SH3GL2: variants seen among roughly 807,000 people sequenced by gnomAD.
The protein encoded by SH3GL2 is SH3 domain containing GRB2 like 2, endophilin A1.
In SH3GL2, 24 loss-of-function variants were observed where a neutral mutation model predicts 46.0. That is an observed-to-expected ratio of 0.52 (90% CI 0.38 to 0.73). The LOEUF (loss-of-function observed/expected upper bound fraction) is 0.73. Among genes scored for constraint, SH3GL2 ranks in the 30% least tolerant of loss-of-function variants. The pLI, the probability that SH3GL2 is intolerant of heterozygous loss-of-function variation, is 0.00. For synonymous variants in SH3GL2, 196 were observed against 147.1 expected (o/e 1.33, Z -2.40); for missense variants, 413 against 424.2 (o/e 0.97, Z 0.23).
intron 3 of SH3GL2, among the ~76,000 whole-genome samples, chr9:17,771,498 G>C (rs1476493892): frequency 6.6e-6 from 1 of 152,096 alleles, no homozygotes; most frequent in Non-Finnish European, 1.5e-5. Flanking sequence ...CTTACAATAA[G>C]GATATATTAT....
chr9:17,646,685 T>G (rs139229287), intron 1 of SH3GL2, among the ~76,000 whole-genome samples: 2 of 152,256 alleles, frequency 1.3e-5, no homozygotes, highest in Non-Finnish European at 2.9e-5. Flanking sequence ...CCTGTTTGCC[T>G]CGGTATCACC....
chr9:17,778,003 C>G (rs1317697620), intron 3 of SH3GL2, among the ~76,000 whole-genome samples: 1 of 151,982 alleles, frequency 6.6e-6, no homozygotes, highest in Non-Finnish European at 1.5e-5. Flanking sequence ...GAACTTTCCT[C>G]TTGTCCATGA....
At chr9:17,771,780 G>A (rs1434501038) in intron 3 of SH3GL2, among the ~76,000 whole-genome samples, 1 of 152,148 alleles carries the variant, frequency 6.6e-6, no homozygotes, top group Non-Finnish European at 1.5e-5. Context: ...CCTCCCTGCT[G>A]TTTCCTACTT....
intron 1 of SH3GL2, among the ~76,000 whole-genome samples, chr9:17,700,697 A>G (rs761193131): frequency 6.6e-6 from 1 of 152,190 alleles, no homozygotes; most frequent in African/African-American, 2.4e-5. Context: ...CCTAGAAGTT[A>G]CAAAGGGCCT....
chr9:17,647,265 C>T (rs1819841103), intron 1 of SH3GL2, among the ~76,000 whole-genome samples: 1 of 152,190 alleles, frequency 6.6e-6, no homozygotes, highest in Admixed American at 6.5e-5. Context: ...GTGCAAAACA[C>T]TGTGCTAGAT....
At chr9:17,692,095 G>A (rs951638393) in intron 1 of SH3GL2, among the ~76,000 whole-genome samples, 4 of 152,030 alleles carry the variant, frequency 2.6e-5, no homozygotes, top group African/African-American at 9.7e-5. Context: ...GTTGGAAAGA[G>A]ACCAAACAAG....
intron 1 of SH3GL2, among the ~76,000 whole-genome samples, chr9:17,746,305 T>C (rs1203880188): frequency 6.6e-6 from 1 of 152,190 alleles, no homozygotes; most frequent in Non-Finnish European, 1.5e-5. Flanking sequence ...CTCAATCTCC[T>C]GACCTCGTGA....
chr9:17,680,481 T>A (rs184902401), intron 1 of SH3GL2, among the ~76,000 whole-genome samples: 1 of 152,300 alleles, frequency 6.6e-6, no homozygotes, highest in African/African-American at 2.4e-5. Flanking sequence ...TGATATCCCC[T>A]TTATCATTTT....
intron 1 of SH3GL2, chr9:17,735,773 A>G: frequency 3.1e-6 from 3 of 975,320 alleles, no homozygotes; most frequent in Non-Finnish European, 3.7e-6. Context: ...CTTTCCACAC[A>G]TGGAAAGCAT....
At chr9:17,777,290 T>G (rs1823667060) in intron 3 of SH3GL2, among the ~76,000 whole-genome samples, 1 of 152,180 alleles carries the variant, frequency 6.6e-6, no homozygotes, top group Non-Finnish European at 1.5e-5. Context: ...GTGGAATATT[T>G]ATAAAGATAA....
intron 1 of SH3GL2, among the ~76,000 whole-genome samples, chr9:17,679,988 C>T (rs1205582990): frequency 5.9e-5 from 9 of 152,108 alleles, no homozygotes; most frequent in Non-Finnish European, 1.2e-4. Flanking sequence ...CCCACTTGAT[C>T]GTGGTGGATA....
intron 6 of SH3GL2, chr9:17,789,943 A>T (rs886097920): frequency 5.5e-5 from 10 of 180,640 alleles, no homozygotes; most frequent in African/African-American, 2.4e-4. Flanking sequence ...TAAAGCCTAC[A>T]AATCGTAAAG....
intron 1 of SH3GL2, among the ~76,000 whole-genome samples, chr9:17,599,526 G>A (rs1022229749): frequency 3.3e-5 from 5 of 151,966 alleles, no homozygotes; most frequent in African/African-American, 9.7e-5. Flanking sequence ...TTTATCACAA[G>A]TAGGATAATT....
chr9:17,610,266 C>T (rs971368306), intron 1 of SH3GL2, among the ~76,000 whole-genome samples: 2 of 152,128 alleles, frequency 1.3e-5, no homozygotes, highest in African/African-American at 4.8e-5. Context: ...ATCAATTACC[C>T]AGTTGGTGGA....
chr9:17,658,400 A>G (rs1029911607), intron 1 of SH3GL2, among the ~76,000 whole-genome samples: 7 of 152,166 alleles, frequency 4.6e-5, no homozygotes, highest in Non-Finnish European at 1.0e-4. Context: ...CCTCCTTAGA[A>G]TGTCTGGCAA....
intron 1 of SH3GL2, among the ~76,000 whole-genome samples, chr9:17,614,832 G>C (rs1183730279): frequency 1.3e-5 from 2 of 152,176 alleles, no homozygotes; most frequent in Non-Finnish European, 2.9e-5. Flanking sequence ...AGGGGCAGAT[G>C]TTACAAGGTT....
intron 1 of SH3GL2, among the ~76,000 whole-genome samples, chr9:17,608,464 C>G (rs577238271): frequency 6.6e-6 from 1 of 152,174 alleles, no homozygotes; most frequent in South Asian, 2.1e-4. Context: ...TTAATGGAAA[C>G]TTTGATAAAT....
intron 1 of SH3GL2, among the ~76,000 whole-genome samples, chr9:17,721,220 A>C (rs927231539): frequency 6.6e-6 from 1 of 152,072 alleles, no homozygotes; most frequent in African/African-American, 2.4e-5. Context: ...GAGAAAATTA[A>C]CATCGAAATG....
At chr9:17,773,212 T>A (rs1455720563) in intron 3 of SH3GL2, among the ~76,000 whole-genome samples, 1 of 152,166 alleles carries the variant, frequency 6.6e-6, no homozygotes, top group Non-Finnish European at 1.5e-5. Flanking sequence ...TTAGGAGTTC[T>A]GTACATATCA....
Sources: allele counts gnomAD v4.1 joint callset (sites outside exome capture counted in the v4.1 genomes callset), GRCh38; gene constraint gnomAD v4.1.1; transcripts MANE v1.5; gene names NCBI Gene and HGNC (gene_info 2026-07-23, HGNC 2026-07-21).